Variants in LRP1B observed in about 807,000 individuals in gnomAD.
LRP1B encodes LDL receptor related protein 1B, also known as low-density lipoprotein receptor-related protein 1B.
Under a neutral mutation model 556.6 loss-of-function variants are expected in LRP1B, and 217 were observed. That is an observed-to-expected ratio of 0.39 (90% CI 0.35 to 0.44). The LOEUF is 0.44. LRP1B is among the 20% of genes least tolerant of loss of function. LRP1B has a pLI of 1.00. For missense variants in LRP1B, 5,053 were observed against 5,620.8 expected (o/e 0.90, Z 3.23); for synonymous variants, 2,047 against 1,865.8 (o/e 1.10, Z -2.50).
chr2:141,173,205 G>T (rs1221707485), intron 7 of LRP1B, among the ~76,000 whole-genome samples: 2 of 151,884 alleles, frequency 1.3e-5, no homozygotes, highest in Non-Finnish European at 2.9e-5. Flanking sequence ...TCTAGCATTT[G>T]CAGGGCTTTG....
chr2:142,001,036 T>C (rs1702635099), intron 1 of LRP1B, among the ~76,000 whole-genome samples: 1 of 152,128 alleles, frequency 6.6e-6, no homozygotes, highest in African/African-American at 2.4e-5. Flanking sequence ...AATCTGATGG[T>C]TTTATAAAGG....
chr2:142,126,042 A>G (rs1707639075), intron 1 of LRP1B, among the ~76,000 whole-genome samples: 1 of 151,866 alleles, frequency 6.6e-6, no homozygotes, highest in Non-Finnish European at 1.5e-5. Context: ...AATGGAACTC[A>G]GTCTTTGGCT....
chr2:140,380,553 A>T (rs1393623126), intron 67 of LRP1B, among the ~76,000 whole-genome samples: 2 of 152,276 alleles, frequency 1.3e-5, no homozygotes, highest in East Asian at 3.9e-4. Flanking sequence ...ACAGCCCAAA[A>T]TTTTTTCATG....
chr2:140,663,423 C>T (rs1021651909), intron 41 of LRP1B, among the ~76,000 whole-genome samples: 3 of 152,138 alleles, frequency 2.0e-5, no homozygotes, highest in Non-Finnish European at 2.9e-5. Flanking sequence ...TTAGCTAGAC[C>T]TTCTGGAAAA....
chr2:141,753,147 C>G (rs1312001882), intron 2 of LRP1B, among the ~76,000 whole-genome samples: 2 of 146,288 alleles, frequency 1.4e-5, no homozygotes, highest in Admixed American at 6.8e-5. Context: ...ACTCGGGAGG[C>G]TGAGGCAGGA....
chr2:141,916,651 G>A (rs1384947211), intron 1 of LRP1B, among the ~76,000 whole-genome samples: 2 of 151,202 alleles, frequency 1.3e-5, no homozygotes, highest in East Asian at 1.9e-4. Context: ...CAAAGTGCTA[G>A]GATTACAGGC....
intron 1 of LRP1B, among the ~76,000 whole-genome samples, chr2:142,109,786 A>C (rs890812971): frequency 1.3e-5 from 2 of 152,174 alleles, no homozygotes; most frequent in Non-Finnish European, 2.9e-5. Context: ...TTCAAAAGAC[A>C]AAAGTAATAA....
intron 7 of LRP1B, among the ~76,000 whole-genome samples, chr2:141,122,675 T>A (rs1701090728): frequency 6.6e-6 from 1 of 152,276 alleles, no homozygotes; most frequent in African/African-American, 2.4e-5. Flanking sequence ...GTTCAACCAT[T>A]GTGGAAGACA....
intron 84 of LRP1B, among the ~76,000 whole-genome samples, chr2:140,294,416 G>A (rs922636005): frequency 3.3e-5 from 5 of 152,110 alleles, no homozygotes; most frequent in African/African-American, 1.2e-4. Context: ...CATTTGGCAA[G>A]TGCCATTGTT....
At chr2:141,911,462 C>T (rs922990638) in intron 1 of LRP1B, among the ~76,000 whole-genome samples, 1 of 152,162 alleles carries the variant, frequency 6.6e-6, no homozygotes, top group East Asian at 1.9e-4. Context: ...CAGGCTATGA[C>T]CTGTTAAGCT....
At chr2:140,650,822 A>G (rs1478305202) in intron 41 of LRP1B, among the ~76,000 whole-genome samples, 1 of 152,204 alleles carries the variant, frequency 6.6e-6, no homozygotes, top group Admixed American at 6.5e-5. Flanking sequence ...ACTTGCTCCC[A>G]ATAGTGAGAG....
intron 1 of LRP1B, among the ~76,000 whole-genome samples, chr2:142,075,869 T>C (rs72990373): frequency 4.1e-4 from 62 of 152,260 alleles, no homozygotes; most frequent in African/African-American, 1.4e-3. Flanking sequence ...GAGAATCAAC[T>C]GGTAAGCCCA....
chr2:140,540,892 G>A, intron 45 of LRP1B, 81 bp downstream of exon 45: 1 of 1,437,158 alleles, frequency 7.0e-7, no homozygotes, highest in Non-Finnish European at 9.5e-7. Context: ...ATAACTTCAT[G>A]AATACACTAA....
At chr2:140,659,353 T>A (rs1230200718) in intron 41 of LRP1B, among the ~76,000 whole-genome samples, 1 of 151,996 alleles carries the variant, frequency 6.6e-6, no homozygotes, top group Middle Eastern at 3.2e-3. Context: ...GTTGTAACTT[T>A]AATCTATTTT....
rs1167708009 is a variant in LRP1B at position 140,702,167 on chromosome 2, A to G, written c.6276T>C (p.Phe2092=). ...SNVDMFSVAV[F]GAYIYWSDRA... is the part of the protein sequence containing the mutation. ...TGTCAGACCAGTAGATGTAAGCCCC[A>G]AAGACTGCAACTGAAAACATATCCA... Residue 2092 remains phenylalanine, a synonymous_variant, in exon 39 of 91, where the codon TTT becomes TTC. Coordinates refer to ENST00000389484, the MANE Select transcript of LRP1B (RefSeq NM_018557.3). The G allele has an allele frequency of 1.9e-6, 3 of 1,613,490 alleles. No homozygotes were observed. The highest frequency in any genetic ancestry group is 1.3e-5 in the African/African-American group (1 of 74,884).
chr2:141,779,233 C>A (rs987379282), intron 2 of LRP1B, among the ~76,000 whole-genome samples: 2 of 152,054 alleles, frequency 1.3e-5, no homozygotes, highest in African/African-American at 2.4e-5. Flanking sequence ...TTCTAAGAAT[C>A]CTGGTTCTAA....
intron 1 of LRP1B, among the ~76,000 whole-genome samples, chr2:142,015,865 G>A (rs1191458093): frequency 1.1e-4 from 16 of 151,598 alleles, no homozygotes; most frequent in African/African-American, 1.7e-4. Context: ...GGTGGCGGGC[G>A]CCTGTAGTCC....
chr2:140,822,931 C>T (rs188070289), intron 31 of LRP1B, among the ~76,000 whole-genome samples: 16 of 152,246 alleles, frequency 1.1e-4, no homozygotes, highest in African/African-American at 3.6e-4. Flanking sequence ...AGAACTTCTT[C>T]CAGAAATAAT....
At chr2:140,246,707 C>G (rs541049004) in intron 87 of LRP1B, among the ~76,000 whole-genome samples, 2 of 151,396 alleles carry the variant, frequency 1.3e-5, no homozygotes, top group Non-Finnish European at 3.0e-5. Context: ...GAAATGCATT[C>G]CAAGACAATA....
Sources: allele counts gnomAD v4.1 joint callset (sites outside exome capture counted in the v4.1 genomes callset), GRCh38; gene constraint gnomAD v4.1.1; transcripts MANE v1.5; gene names NCBI Gene and HGNC (gene_info 2026-07-23, HGNC 2026-07-21).